TENM4: variants seen among roughly 807,000 people sequenced by gnomAD.
The protein encoded by TENM4 is teneurin transmembrane protein 4.
In TENM4, 82 loss-of-function variants were observed where a neutral mutation model predicts 243.3. The observed-to-expected ratio is 0.34, with a 90% CI of 0.28 to 0.40. The LOEUF (loss-of-function observed/expected upper bound fraction) is 0.40, where lower values mean the gene tolerates loss of function less well. Ranked by LOEUF, TENM4 falls within the 10% of genes least tolerant of loss-of-function variation. The probability of loss-of-function intolerance (pLI) is 1.00; values close to 1 mark genes in which losing one functional copy is unlikely to be tolerated. For missense variants in TENM4, 3,138 were observed against 3,673.3 expected, an observed-to-expected ratio of 0.85 and a Z score of 3.77; for synonymous variants, 1,412 against 1,456.3, an observed-to-expected ratio of 0.97 and a Z score of 0.69.
intron 2 of TENM4, among the ~76,000 whole-genome samples, chr11:79,266,397 T>TA (rs909553530): frequency 6.4e-4 from 98 of 152,348 alleles, no homozygotes; most frequent in African/African-American, 2.3e-3. Context: ...CTGCTTCTGC[T>TA]AAAAAGTACC....
At chr11:79,119,218 G>T (rs993931008) in intron 4 of TENM4, among the ~76,000 whole-genome samples, 2 of 152,082 alleles carry the variant, frequency 1.3e-5, no homozygotes, top group African/African-American at 4.8e-5. Flanking sequence ...CCTCCATCCA[G>T]GTCTAGAGAA....
intron 1 of TENM4, among the ~76,000 whole-genome samples, chr11:79,301,236 T>C (rs145619184): frequency 0.015 from 2,277 of 152,332 alleles, 58 homozygotes; most frequent in African/African-American, 0.052. Flanking sequence ...AAGTCCTTCA[T>C]GTGTTCCTTT....
At chr11:79,018,321 G>T (rs1858831831) in intron 6 of TENM4, among the ~76,000 whole-genome samples, 2 of 152,118 alleles carry the variant, frequency 1.3e-5, no homozygotes, top group Non-Finnish European at 2.9e-5. Context: ...CTAACCTGAG[G>T]TTCTCTTGCC....
intron 1 of TENM4, among the ~76,000 whole-genome samples, chr11:79,342,846 G>T (rs1857263442): frequency 6.6e-6 from 1 of 152,244 alleles, no homozygotes; most frequent in Non-Finnish European, 1.5e-5. Context: ...TCTCAGTGCA[G>T]TTCCCTTCCC....
rs1247195374 is a variant in TENM4 at position 78,738,873 on chromosome 11, T to C, written c.2757-303A>G. 2.6e-5 allele frequency among the ~76,000 whole-genome samples: 4 copies of C among 152,200 alleles called. No individual in the cohort carries two copies. In the East Asian group the frequency reaches 7.7e-4, roughly 29 times the overall value. On this transcript the variant is annotated intron_variant, in intron 19 of 33. Coordinates refer to ENST00000278550, the MANE Select transcript of TENM4 (RefSeq NM_001098816.3). ...AGATAAAGCTGATCACAGAGGGCAA[T>C]ATCGCCTAGTTCTGTGTGTGGATGT... is the stretch of plus-strand genomic sequence containing the variant.
chr11:78,857,005 G>C (rs1414987831), intron 10 of TENM4, among the ~76,000 whole-genome samples: 1 of 152,064 alleles, frequency 6.6e-6, no homozygotes, highest in East Asian at 1.9e-4. Context: ...AGCTCTCTGG[G>C]GGCACCACAA....
intron 6 of TENM4, among the ~76,000 whole-genome samples, chr11:78,945,397 T>A (rs1856986221): frequency 6.6e-6 from 1 of 152,244 alleles, no homozygotes; most frequent in Non-Finnish European, 1.5e-5. Context: ...TGGTGTAAGA[T>A]GGCAAACCTA....
At chr11:79,066,631 T>C (rs772229592) in intron 5 of TENM4, among the ~76,000 whole-genome samples, 21 of 145,934 alleles carry the variant, frequency 1.4e-4, no homozygotes, top group African/African-American at 3.8e-4. Context: ...CGCACACACA[T>C]GAACACACAA....
At position 78,658,053 on chromosome 11, in the gene TENM4, C is replaced by A; in HGVS notation, c.*5G>T. The A allele has an allele frequency of 6.2e-7, 1 of 1,611,608 alleles. No homozygotes were observed. Among genetic ancestry groups the A allele is most frequent in the Non-Finnish European group, 8.5e-7 (1 of 1,178,562 alleles). On this transcript the variant is annotated 3_prime_UTR_variant, in exon 34 of 34. Coordinates refer to ENST00000278550, the MANE Select transcript of TENM4 (RefSeq NM_001098816.3). ...TCTTTGGCAAGAAGTCCTTGGTCCT[C>A]TCTGTCACCTCCGGCCCATCTCGCT... is the stretch of plus-strand genomic sequence containing the variant.
chr11:78,696,693 C>T (rs1858973428), intron 28 of TENM4, among the ~76,000 whole-genome samples: 2 of 152,150 alleles, frequency 1.3e-5, no homozygotes, highest in African/African-American at 4.8e-5. Context: ...ACAGTTCAGC[C>T]CTTGGGTCCT....
chr11:79,306,049 C>A (rs549661989), intron 1 of TENM4, among the ~76,000 whole-genome samples: 1 of 152,334 alleles, frequency 6.6e-6, no homozygotes, highest in Admixed American at 6.5e-5. Flanking sequence ...GCCCTCTGAT[C>A]CCTGCACCAC....
At position 78,812,254 on chromosome 11, in the gene TENM4, T is replaced by C. The variant is rs1459667948; in HGVS notation, c.1846A>G (p.Ser616Gly). ...QYMKGRCLCH[S>G]GWKGAECDVP... ...TCGCACTCAGCGCCTTTCCAGCCAC[T>C]GTGGCACAAGCATCTGCCTTTCATG... The change falls in exon 14 of 34, where the codon AGT becomes GGT. Residue 616 changes from serine (S) to glycine (G), a missense_variant. By Grantham distance (56) the Ser-to-Gly change is moderately conservative. Transcript: ENST00000278550. 20 of 1,551,978 alleles carry C rather than the reference T, an allele frequency of 1.3e-5. No individual in the cohort carries two copies. The highest frequency in any genetic ancestry group is 1.7e-5 in the Non-Finnish European group (20 of 1,147,208).
At chr11:79,075,949 C>T (rs1860526629) in intron 4 of TENM4, among the ~76,000 whole-genome samples, 1 of 152,238 alleles carries the variant, frequency 6.6e-6, no homozygotes, top group Admixed American at 6.5e-5. Context: ...TGACAGCTCA[C>T]CATCTCTCTG....
intron 28 of TENM4, among the ~76,000 whole-genome samples, chr11:78,698,210 T>A (rs661056): frequency 0.012 from 1,805 of 152,290 alleles, 19 homozygotes; most frequent in Non-Finnish European, 0.017. Context: ...GAGACCAGCC[T>A]GGCCAATATA....
At chr11:79,239,721 TG>T (rs1255163307) in intron 2 of TENM4, among the ~76,000 whole-genome samples, 1 of 152,204 alleles carries the variant, frequency 6.6e-6, no homozygotes, top group Non-Finnish European at 1.5e-5. Context: ...CTACTATTCC[TG>T]GGGCACTCTG....
At chr11:78,778,520 T>C in intron 17 of TENM4, 82 bp downstream of exon 17, 2 of 1,400,920 alleles carry the variant, frequency 1.4e-6, no homozygotes, top group Non-Finnish European at 9.9e-7. Flanking sequence ...ATATACATTT[T>C]TATATACACA....
rs185175817 is a variant in TENM4, at chr11:78,894,576, T to C, written c.750-3240A>G. ...GAGGGGAAGAGGTGATGCAACAGAGTAAAGGATTTCTAGAGTAAGAGGGTG... is the reference window on the plus strand; with the variant it reads ...GAGGGGAAGAGGTGATGCAACAGAGCAAAGGATTTCTAGAGTAAGAGGGTG... On this transcript the variant is annotated intron_variant, in intron 7 of 33. Transcript: ENST00000278550. Among the ~76,000 whole-genome samples the C allele has an allele frequency of 5.3e-3, 812 of 151,916 alleles. 9 individuals are homozygous for C. Among genetic ancestry groups the C allele is most frequent in the African/African-American group, 0.018 (733 of 41,396 alleles).
rs184543881 is a variant in TENM4 at position 79,125,727 on chromosome 11, C to G, written c.-66+22983G>C. ...TTCCATCTTTGTCTGAGGACATAAA[C>G]CCTGAGCTGCCTGAGGCAACAGTGA... On this transcript the variant is annotated intron_variant, in intron 4 of 33. Coordinates refer to ENST00000278550, the MANE Select transcript of TENM4 (RefSeq NM_001098816.3). 3.0e-3 allele frequency among the ~76,000 whole-genome samples: 454 copies of G among 152,286 alleles called. 3 individuals are homozygous for G. The highest frequency in any genetic ancestry group is 0.01 in the African/African-American group (426 of 41,550).
chr11:78,857,335 T>G (rs577497337), intron 10 of TENM4, among the ~76,000 whole-genome samples: 1 of 152,314 alleles, frequency 6.6e-6, no homozygotes, highest in South Asian at 2.1e-4. Flanking sequence ...AAAACACACT[T>G]TGGAACTTTT....
Sources: gnomAD v4.1 joint callset for allele counts (sites outside exome capture counted in the v4.1 genomes callset) on GRCh38, gnomAD v4.1.1 for gene constraint, MANE v1.5 for transcripts, NCBI Gene and HGNC (gene_info 2026-07-23, HGNC 2026-07-21) for gene names.